TTC7B: variants seen among roughly 807,000 people sequenced by gnomAD.
TTC7B encodes the protein tetratricopeptide repeat protein 7B.
TTC7B carries 28 observed loss-of-function variants against 106.8 expected under a neutral mutation model. The observed-to-expected ratio is 0.26, with a 90% CI of 0.19 to 0.36. The LOEUF is 0.36. Among genes scored for constraint, TTC7B ranks in the 10% least tolerant of loss-of-function variants. The probability of loss-of-function intolerance (pLI) is 1.00; values close to 1 mark genes in which losing one functional copy is unlikely to be tolerated. For missense variants in TTC7B, 862 were observed against 1,076.4 expected (o/e 0.80, Z 2.79); for synonymous variants, 405 against 430.6 (o/e 0.94, Z 0.74).
At chr14:90,560,578 C>T (rs184409778) in intron 19 of TTC7B, among the ~76,000 whole-genome samples, 51 of 152,348 alleles carry the variant, frequency 3.3e-4, no homozygotes, top group Admixed American at 5.2e-4. Context: ...AACAATGGAA[C>T]GAGGAGAGGC....
At chr14:90,769,414 C>T (rs1360583609) in intron 3 of TTC7B, among the ~76,000 whole-genome samples, 1 of 152,102 alleles carries the variant, frequency 6.6e-6, no homozygotes, top group African/African-American at 2.4e-5. Flanking sequence ...CAACTATATG[C>T]CGTCTACAAG....
chr14:90,806,625 G>A (rs2030626228), intron 1 of TTC7B, among the ~76,000 whole-genome samples: 1 of 152,208 alleles, frequency 6.6e-6, no homozygotes, highest in Admixed American at 6.5e-5. Context: ...GTGAGGCTTA[G>A]GCCAGGCACA....
Position 90,615,704 on chromosome 14 carries a change from C to T in TTC7B, c.1868+2225G>A, listed in dbSNP as rs115809860. Among the ~76,000 whole-genome samples, 708 of 152,172 alleles carry T rather than the reference C, an allele frequency of 4.7e-3. 3 individuals carry two copies. Among genetic ancestry groups the T allele is most frequent in the African/African-American group, 0.015 (643 of 41,506 alleles). On this transcript the variant is annotated intron_variant, in intron 16 of 19. Transcript: ENST00000328459. ...GGTCACCTCTTACCGAGCAGGCTGG[C>T]GGGGATGACTACATTTACATAATGA... is the stretch of plus-strand genomic sequence containing the variant.
In TTC7B at chr14:90,639,649, C is replaced by T. The variant is rs139919216; in HGVS notation, c.1751+4399G>A. Reference sequence around the variant, plus strand: ...GAATTATTTGGTAAAGTTGAAGATACACAAATCCTACGACCTAACTATTTC... The same window carrying T: ...GAATTATTTGGTAAAGTTGAAGATATACAAATCCTACGACCTAACTATTTC... On this transcript the variant is annotated intron_variant, in intron 15 of 19. Coordinates refer to ENST00000328459, the MANE Select transcript of TTC7B (RefSeq NM_001010854.2). Among the ~76,000 whole-genome samples the T allele has an allele frequency of 3.4e-4, 52 of 152,284 alleles. 1 individual carries two copies. The East Asian group carries it at 9.7e-3, about 28-fold the overall frequency.
chr14:90,541,679 C>T (rs1200009510), intron 19 of TTC7B, 90 bp from the exon 20 acceptor site: 5 of 1,079,362 alleles, frequency 4.6e-6, no homozygotes, highest in Non-Finnish European at 6.4e-6. Context: ...CAGTCAGTTC[C>T]TCGGAGCCGG....
chr14:90,783,830 A>G (rs1308521905), intron 2 of TTC7B, among the ~76,000 whole-genome samples: 1 of 152,138 alleles, frequency 6.6e-6, no homozygotes, highest in Admixed American at 6.6e-5. Context: ...ACAGCTACTC[A>G]GGAGGCTGAG....
intron 9 of TTC7B, among the ~76,000 whole-genome samples, chr14:90,658,616 C>T (rs1331315587): frequency 2.0e-5 from 3 of 152,196 alleles, no homozygotes; most frequent in Admixed American, 1.3e-4. Flanking sequence ...TGTGACAATC[C>T]CTGCCCTCGA....
intron 19 of TTC7B, among the ~76,000 whole-genome samples, chr14:90,545,351 T>G (rs1436649978): frequency 2.0e-5 from 3 of 152,258 alleles, no homozygotes; most frequent in Non-Finnish European, 4.4e-5. Context: ...TTCATTTCTC[T>G]GACCACTAAC....
intron 14 of TTC7B, among the ~76,000 whole-genome samples, chr14:90,646,012 C>T (rs1217906349): frequency 6.6e-6 from 1 of 152,174 alleles, no homozygotes; most frequent in Admixed American, 6.5e-5. Flanking sequence ...ATCAGATGGT[C>T]AATCAATGCC....
intron 6 of TTC7B, 128 bp downstream of exon 6, chr14:90,695,372 T>C (rs1887702305): frequency 2.6e-6 from 1 of 387,380 alleles, no homozygotes; most frequent in Non-Finnish European, 4.6e-6. Context: ...AATGCATATA[T>C]GTCACATATA....
In TTC7B at chr14:90,637,606, G is replaced by A. The variant is rs578193083; in HGVS notation, c.1751+6442C>T. 7.9e-5 allele frequency among the ~76,000 whole-genome samples: 12 copies of A among 152,210 alleles called. 1 individual carries two copies. In the South Asian group the frequency reaches 2.5e-3, roughly 32 times the overall value. ...GCCTATTTTGCAAATGTACACAAACGCGAAGTTCTCTAAAAAATAAGTAAA... is the reference window on the plus strand; with the variant it reads ...GCCTATTTTGCAAATGTACACAAACACGAAGTTCTCTAAAAAATAAGTAAA... On this transcript the variant is annotated intron_variant, in intron 15 of 19. Transcript: ENST00000328459.
chr14:90,754,515 G>C (rs1304965739), intron 3 of TTC7B, among the ~76,000 whole-genome samples: 1 of 152,124 alleles, frequency 6.6e-6, no homozygotes, highest in Non-Finnish European at 1.5e-5. Flanking sequence ...CAGTAGGCTG[G>C]AAAGTCTCCA....
intron 8 of TTC7B, among the ~76,000 whole-genome samples, chr14:90,678,368 A>G (rs1249721907): frequency 7.2e-5 from 11 of 152,266 alleles, no homozygotes; most frequent in African/African-American, 2.7e-4. Flanking sequence ...TCTGAATTAA[A>G]GTCAGTACCA....
At chr14:90,816,120 TC>T (rs1475435834) in intron 1 of TTC7B, 54 bp downstream of exon 1, 16 of 1,018,200 alleles carry the variant, frequency 1.6e-5, no homozygotes, top group Non-Finnish European at 1.9e-5. Flanking sequence ...GGGGGCCCGT[TC>T]CCGCGGAGGC....
At chr14:90,707,294 T>C (rs1352528982) in intron 5 of TTC7B, among the ~76,000 whole-genome samples, 1 of 152,226 alleles carries the variant, frequency 6.6e-6, no homozygotes, top group African/African-American at 2.4e-5. Flanking sequence ...GTTGTATATG[T>C]GCCCCACTGA....
chr14:90,689,825 G>T, intron 6 of TTC7B, 113 bp from the exon 7 acceptor site: 1 of 1,214,252 alleles, frequency 8.2e-7, no homozygotes, highest in Non-Finnish European at 1.1e-6. Context: ...CTACTGCAAG[G>T]CTCATAATTA....
intron 15 of TTC7B, 139 bp from the exon 16 acceptor site, chr14:90,618,184 G>A: frequency 3.3e-6 from 2 of 614,558 alleles, no homozygotes; most frequent in Non-Finnish European, 5.7e-6. Flanking sequence ...GTGGTCCAAG[G>A]AAAGCGGGAT....
At chr14:90,658,233 T>C (rs1886032070) in intron 10 of TTC7B, 71 bp downstream of exon 10, 2 of 1,317,942 alleles carry the variant, frequency 1.5e-6, no homozygotes, top group African/African-American at 2.9e-5. Context: ...TTCCGTGCAA[T>C]TCCATGACAT....
chr14:90,707,668 T>C (rs909571447), intron 5 of TTC7B, among the ~76,000 whole-genome samples: 1 of 152,202 alleles, frequency 6.6e-6, no homozygotes, highest in Non-Finnish European at 1.5e-5. Context: ...AAAGTCTGCA[T>C]GGTCTGGATA....
Sources: gnomAD v4.1 joint callset for allele counts (sites outside exome capture counted in the v4.1 genomes callset) on GRCh38, gnomAD v4.1.1 for gene constraint, MANE v1.5 for transcripts, NCBI Gene and HGNC (gene_info 2026-07-23, HGNC 2026-07-21) for gene names.